ZBTB7C: variants seen among roughly 807,000 people sequenced by gnomAD.
ZBTB7C encodes the protein zinc finger and BTB domain containing 7C, also known as zinc finger and BTB domain-containing protein 7C.
In ZBTB7C, 8 loss-of-function variants were observed where a neutral mutation model predicts 25.7. The observed-to-expected ratio is 0.31, with a 90% CI of 0.18 to 0.56. The LOEUF (loss-of-function observed/expected upper bound fraction) is 0.56, where lower values mean the gene tolerates loss of function less well. ZBTB7C is among the 20% of genes least tolerant of loss of function. ZBTB7C has a pLI of 0.91. For synonymous variants in ZBTB7C, 394 were observed against 369.0 expected (o/e 1.07, Z -0.78); for missense variants, 824 against 855.2 (o/e 0.96, Z 0.46).
At chr18:48,190,497 A>G (rs2042167052) in intron 2 of ZBTB7C, among the ~76,000 whole-genome samples, 1 of 152,166 alleles carries the variant, frequency 6.6e-6, no homozygotes, top group Admixed American at 6.5e-5. Flanking sequence ...TCTTAGTGTC[A>G]TCCAGCTAGC....
chr18:48,144,097 G>A (rs1185283150), intron 3 of ZBTB7C, among the ~76,000 whole-genome samples: 1 of 152,180 alleles, frequency 6.6e-6, no homozygotes, highest in South Asian at 2.1e-4. Context: ...GGCCAACATG[G>A]TGAAAGCCCC....
chr18:48,050,921 T>C (rs2036660323), intron 3 of ZBTB7C, among the ~76,000 whole-genome samples: 1 of 152,186 alleles, frequency 6.6e-6, no homozygotes, highest in Non-Finnish European at 1.5e-5. Flanking sequence ...AGGATCCCTG[T>C]GTACATAAGG....
At chr18:48,065,103 T>A (rs2037274631) in intron 3 of ZBTB7C, among the ~76,000 whole-genome samples, 1 of 152,178 alleles carries the variant, frequency 6.6e-6, no homozygotes, top group Non-Finnish European at 1.5e-5. Context: ...GGGGCCTCCT[T>A]CCACTCCCAG....
rs929816028 is a variant in ZBTB7C at position 48,040,406 on chromosome 18, G to T, written c.702C>A (p.Asn234Lys). 3.7e-6 allele frequency: 6 copies of T among 1,611,718 alleles called. No individual in the cohort carries two copies. The African/African-American group carries it at 5.3e-5, about 14-fold the overall frequency. Residue 234 changes from asparagine to lysine, a missense_variant, in exon 4 of 5, where the codon AAC becomes AAA. Physicochemically the swap from Asn to Lys is moderately conservative, Grantham distance 94. This residue lies in a region of ZBTB7C where 316 missense variants were observed against 299.2 expected (regional missense o/e 1.06). Coordinates refer to ENST00000590800, the MANE Select transcript of ZBTB7C (RefSeq NM_001318841.2). ...CGGGGATGTTGGCCTTGGGGTACAG[G>T]TTCTCCCTTAGCAGAGATTCGATGG... is the stretch of plus-strand genomic sequence containing the variant. ...DFSIESLLRE[N>K]LYPKANIPDR...
At chr18:48,068,745 C>T (rs2037431302) in intron 3 of ZBTB7C, among the ~76,000 whole-genome samples, 1 of 152,194 alleles carries the variant, frequency 6.6e-6, no homozygotes. Flanking sequence ...CTCCTGGCAT[C>T]TCCAGACTTA....
chr18:48,316,271 C>T (rs911957695), intron 2 of ZBTB7C, among the ~76,000 whole-genome samples: 1 of 152,078 alleles, frequency 6.6e-6, no homozygotes, highest in African/African-American at 2.4e-5. Flanking sequence ...ACAATCCTTC[C>T]ATGTATGGGT....
intron 3 of ZBTB7C, among the ~76,000 whole-genome samples, chr18:48,103,844 C>T (rs916015247): frequency 2.0e-5 from 3 of 152,008 alleles, no homozygotes; most frequent in Non-Finnish European, 4.4e-5. Flanking sequence ...CCAAGGACCA[C>T]ATATTATATG....
intron 3 of ZBTB7C, among the ~76,000 whole-genome samples, chr18:48,076,197 A>T (rs1310671255): frequency 6.6e-6 from 1 of 152,168 alleles, no homozygotes; most frequent in Non-Finnish European, 1.5e-5. Context: ...GTGGCTTGTG[A>T]GGCACTTTAC....
chr18:48,107,673 C>G, intron 3 of ZBTB7C, among the ~76,000 whole-genome samples: 1 of 152,106 alleles, frequency 6.6e-6, no homozygotes, highest in East Asian at 1.9e-4. Flanking sequence ...TCCTTGCAGC[C>G]CACTCTGGTG....
intron 2 of ZBTB7C, among the ~76,000 whole-genome samples, chr18:48,208,626 C>T (rs2042634124): frequency 6.6e-6 from 1 of 152,076 alleles, no homozygotes; most frequent in African/African-American, 2.4e-5. Flanking sequence ...AAATGTGTTG[C>T]CTGCCCCAGG....
rs201737122 is a variant in ZBTB7C at position 48,047,958 on chromosome 18, T to C, written c.-16-6835A>G. ...AGCCAGCCAATGTCTGAGCCAGGAT[T>C]TGAACCCAGCTGCGTTTGATGCCAA... On this transcript the variant is annotated intron_variant, in intron 3 of 4. Transcript: ENST00000590800. Among the ~76,000 whole-genome samples the C allele has an allele frequency of 3.3e-5, 5 of 152,202 alleles. No individual in the cohort carries two copies. In the East Asian group the frequency reaches 9.6e-4, roughly 29 times the overall value.
At chr18:48,161,401 G>A (rs966840418) in intron 3 of ZBTB7C, among the ~76,000 whole-genome samples, 2 of 152,026 alleles carry the variant, frequency 1.3e-5, no homozygotes, top group Non-Finnish European at 2.9e-5. Context: ...GGGTGGGGCC[G>A]GGATGAGAGG....
intron 2 of ZBTB7C, among the ~76,000 whole-genome samples, chr18:48,248,782 C>T (rs1298919545): frequency 6.6e-6 from 1 of 152,056 alleles, no homozygotes; most frequent in Non-Finnish European, 1.5e-5. Flanking sequence ...GAATTACTAT[C>T]TCTTCTTCAG....
upstream of ZBTB7C, among the ~76,000 whole-genome samples, chr18:48,411,444 C>G (rs2048383636): frequency 6.6e-6 from 1 of 152,224 alleles, no homozygotes; most frequent in Non-Finnish European, 1.5e-5. Flanking sequence ...GCAGCCACTG[C>G]CCTCTCATAT....
intron 3 of ZBTB7C, among the ~76,000 whole-genome samples, chr18:48,108,778 T>A (rs1187284888): frequency 6.6e-6 from 1 of 152,082 alleles, no homozygotes; most frequent in East Asian, 1.9e-4. Flanking sequence ...TCTTACTGTG[T>A]GGGACGGGCC....
chr18:48,116,223 C>G (rs2039435682), intron 3 of ZBTB7C, among the ~76,000 whole-genome samples: 1 of 152,136 alleles, frequency 6.6e-6, no homozygotes, highest in Non-Finnish European at 1.5e-5. Flanking sequence ...AGGCTCGAGC[C>G]CAGACGCCCT....
intron 2 of ZBTB7C, among the ~76,000 whole-genome samples, chr18:48,296,542 G>A (rs1045925376): frequency 2.6e-5 from 4 of 152,024 alleles, no homozygotes; most frequent in Admixed American, 1.3e-4. Context: ...TAAAAATTAG[G>A]TAATACAGGC....
At chr18:48,135,360 T>C (rs560859112) in intron 3 of ZBTB7C, among the ~76,000 whole-genome samples, 3 of 152,238 alleles carry the variant, frequency 2.0e-5, no homozygotes, top group African/African-American at 7.2e-5. Context: ...GCGATTCCTG[T>C]CTCTGCAGTT....
chr18:48,373,202 G>A (rs1399046507), intron 1 of ZBTB7C, among the ~76,000 whole-genome samples: 1 of 151,958 alleles, frequency 6.6e-6, no homozygotes, highest in African/African-American at 2.4e-5. Context: ...TTGATCTTGG[G>A]GGCGGATCCC....
Sources: gnomAD v4.1 joint callset for allele counts (sites outside exome capture counted in the v4.1 genomes callset) on GRCh38, gnomAD v4.1.1 for gene constraint, gnomAD v4.1.1 regional missense constraint, MANE v1.5 for transcripts, NCBI Gene and HGNC (gene_info 2026-07-23, HGNC 2026-07-21) for gene names.